The following LRRC8D variants were observed in gnomAD, a reference collection of about 807,000 sequenced individuals.
LRRC8D encodes the protein leucine rich repeat containing 8 VRAC subunit D, also known as volume-regulated anion channel subunit LRRC8D.
In LRRC8D, 20 loss-of-function variants were observed where a neutral mutation model predicts 55.8. That is an observed-to-expected ratio of 0.36 (90% confidence interval 0.25 to 0.52). The LOEUF (loss-of-function observed/expected upper bound fraction) is 0.52. LRRC8D is among the 20% of genes least tolerant of loss of function. LRRC8D has a pLI of 0.93. For missense variants in LRRC8D, 651 were observed against 1,030.8 expected, an observed-to-expected ratio of 0.63 and a Z score of 5.05; for synonymous variants, 352 against 377.0, an observed-to-expected ratio of 0.93 and a Z score of 0.77.
chr1:89,921,338 CA>C (rs942220210), intron 2 of LRRC8D, among the ~76,000 whole-genome samples: 1 of 150,938 alleles, frequency 6.6e-6, no homozygotes, highest in Non-Finnish European at 1.5e-5. Flanking sequence ...GACCCTATTT[CA>C]AAAAAAACAA....
At position 89,828,979 on chromosome 1, in the gene LRRC8D, A is replaced by C. The variant is rs144859546; in HGVS notation, c.-148+7688A>C. On this transcript the variant is annotated intron_variant, in intron 1 of 2. Transcript: ENST00000337338. The stretch of plus-strand genomic sequence containing the variant: ...GGCCGCCAGAAAGCTGTGTCTCAAA[A>C]TCTCTCATGCTATAGAGATAGGACA... 3.5e-3 allele frequency among the ~76,000 whole-genome samples: 529 copies of C among 152,306 alleles called. 1 individual carries two copies. Among genetic ancestry groups the C allele is most frequent in the African/African-American group, 0.011 (460 of 41,568 alleles).
chr1:89,865,828 T>C (rs1199700013), intron 2 of LRRC8D, among the ~76,000 whole-genome samples: 1 of 152,234 alleles, frequency 6.6e-6, no homozygotes, highest in Non-Finnish European at 1.5e-5. Context: ...AATTCAACTA[T>C]TGGCAGAATC....
At chr1:89,923,601 A>T (rs2100978091) in intron 2 of LRRC8D, among the ~76,000 whole-genome samples, 1 of 152,332 alleles carries the variant, frequency 6.6e-6, no homozygotes, top group African/African-American at 2.4e-5. Flanking sequence ...TTCATATGGA[A>T]CCCAAAAAAA....
rs200461670 is a variant in LRRC8D at position 89,865,302 on chromosome 1, AT to A, written c.-3+21522del. On this transcript the variant is annotated intron_variant, in intron 2 of 2. Transcript: ENST00000337338. ...CCATTCTTGTTGATTACTTTGCTTA[AT>A]TGTACTAAATATGTATAAACATGAA... is the stretch of plus-strand genomic sequence containing the variant. 4.5e-3 allele frequency among the ~76,000 whole-genome samples: 663 copies of A among 147,368 alleles called. 10 individuals carry two copies. The highest frequency in any genetic ancestry group is 0.034 in the South Asian group (157 of 4,662).
At chr1:89,888,766 G>A (rs1462132804) in intron 2 of LRRC8D, among the ~76,000 whole-genome samples, 1 of 152,162 alleles carries the variant, frequency 6.6e-6, no homozygotes, top group South Asian at 2.1e-4. Context: ...GTTTATCAGA[G>A]GGACACAGGA....
rs764005946 is a variant in LRRC8D, at chr1:89,934,660, C to G, written c.1592C>G (p.Ala531Gly). The G allele has an allele frequency of 5.0e-6, 8 of 1,614,190 alleles. No individual in the cohort carries two copies. The Admixed American group carries it at 6.7e-5, about 13-fold the overall frequency. ...TGCCCTGCAAAAGTTGAACAGACTG[C>G]TTTTAGCTTTCTTCGCGATCACTTG... is the stretch of plus-strand genomic sequence containing the variant. ...CHCPAKVEQT[A>G]FSFLRDHLRC... The change falls in exon 3 of 3, where the codon GCT (alanine) becomes GGT (glycine). Residue 531 changes from alanine (A) to glycine (G), a missense_variant. Around this residue, in one of 5 missense-constraint regions of LRRC8D, gnomAD observed 338 missense variants for 479.4 expected, o/e 0.71. Coordinates refer to ENST00000337338, the MANE Select transcript of LRRC8D (RefSeq NM_001134479.2). The surrounding 1 kb of genome is among the most constrained non-coding windows in gnomAD (Gnocchi z 5.9).
At chr1:89,862,143 T>C (rs1661734011) in intron 2 of LRRC8D, among the ~76,000 whole-genome samples, 1 of 152,184 alleles carries the variant, frequency 6.6e-6, no homozygotes, top group Non-Finnish European at 1.5e-5. Context: ...GGCTTTCAGG[T>C]CACTCTATGC....
At chr1:89,887,340 A>G (rs1043809862) in intron 2 of LRRC8D, among the ~76,000 whole-genome samples, 4 of 152,172 alleles carry the variant, frequency 2.6e-5, no homozygotes, top group Admixed American at 1.3e-4. Flanking sequence ...TTGTTGAGTG[A>G]ATTTTTCTAG....
chr1:89,909,587 C>T (rs1663079134), intron 2 of LRRC8D, among the ~76,000 whole-genome samples: 1 of 152,026 alleles, frequency 6.6e-6, no homozygotes, highest in South Asian at 2.1e-4. Flanking sequence ...TTTAGTAGGG[C>T]CAGGCACGGT....
At chr1:89,870,922 G>A (rs986815107) in intron 2 of LRRC8D, among the ~76,000 whole-genome samples, 1 of 152,014 alleles carries the variant, frequency 6.6e-6, no homozygotes, top group African/African-American at 2.4e-5. Flanking sequence ...TTTAAATTTG[G>A]GTAATTTCTG....
intron 1 of LRRC8D, among the ~76,000 whole-genome samples, chr1:89,842,469 C>T (rs1397014320): frequency 2.6e-5 from 4 of 152,222 alleles, no homozygotes; most frequent in Non-Finnish European, 5.9e-5. Flanking sequence ...TGAGTAGGAG[C>T]TTAATATCTA....
At chr1:89,904,479 T>C (rs184897641) in intron 2 of LRRC8D, among the ~76,000 whole-genome samples, 2 of 152,360 alleles carry the variant, frequency 1.3e-5, no homozygotes, top group Admixed American at 1.3e-4. Flanking sequence ...CATTCACTTT[T>C]CTTCCTTAAA....
chr1:89,915,083 C>T (rs1663231705), intron 2 of LRRC8D, among the ~76,000 whole-genome samples: 2 of 151,596 alleles, frequency 1.3e-5, no homozygotes, highest in African/African-American at 4.9e-5. Context: ...CAGCACCTAG[C>T]ACATTACCTA....
At chr1:89,897,587 C>G (rs1231738794) in intron 2 of LRRC8D, among the ~76,000 whole-genome samples, 2 of 152,118 alleles carry the variant, frequency 1.3e-5, no homozygotes, top group African/African-American at 4.8e-5. Context: ...TCTATACACA[C>G]GCAGGACCTA....
rs1057291194 is a variant in LRRC8D, at chr1:89,911,286, T to A, written c.-2-21781T>A. ...TAAAATTTTATGACGGGATAAGCAA[T>A]ATGGTGGTTAGCAAGATTAATGTTT... On this transcript the variant is annotated intron_variant, in intron 2 of 2. Transcript: ENST00000337338. This position sits in a 1 kb window ranked among gnomAD's most constrained non-coding sequence, Gnocchi z 4.0. Among the ~76,000 whole-genome samples, 1 of 151,880 alleles carries A rather than the reference T, an allele frequency of 6.6e-6. No homozygotes were observed. Among genetic ancestry groups the A allele is most frequent in the African/African-American group, 2.4e-5 (1 of 41,352 alleles).
rs1660691420 is a variant in LRRC8D, at chr1:89,823,530, A to G, written c.-148+2239A>G. On this transcript the variant is annotated intron_variant, in intron 1 of 2. Coordinates refer to ENST00000337338, the MANE Select transcript of LRRC8D (RefSeq NM_001134479.2). ...TCTCAGTACTGTAGACAAAATAGCT[A>G]TTAAAGTCAAAAGTTTGTCAAAACT... Among the ~76,000 whole-genome samples the G allele has an allele frequency of 4.6e-5, 7 of 152,248 alleles. No homozygotes were observed. In the South Asian group the frequency reaches 1.4e-3, roughly 32 times the overall value.
chr1:89,843,772 G>T lies in LRRC8D; in HGVS notation c.-13G>T. 2.9e-6 allele frequency: 2 copies of T among 688,580 alleles called. No individual in the cohort carries two copies. Among genetic ancestry groups the T allele is most frequent in the Non-Finnish European group, 5.3e-6 (2 of 377,200 alleles). The allele number at this position is 688,580 out of a possible 1,614,324, so 42.7% of individuals were successfully genotyped here. ...AGCGCCCTGAGAGAACAGGGTGGCCGCTTGGTCCAGGTGCGCGGGGTCGGG... is the reference window on the plus strand; with the variant it reads ...AGCGCCCTGAGAGAACAGGGTGGCCTCTTGGTCCAGGTGCGCGGGGTCGGG... On this transcript the variant is annotated 5_prime_UTR_variant, in exon 2 of 3. Transcript: ENST00000337338.
intron 2 of LRRC8D, among the ~76,000 whole-genome samples, chr1:89,902,759 C>T (rs1439937958): frequency 3.9e-5 from 6 of 152,002 alleles, no homozygotes; most frequent in Non-Finnish European, 5.9e-5. Context: ...CTCCTGACCT[C>T]GTGATCCACC....
At chr1:89,838,858 T>C (rs1661065749) in intron 1 of LRRC8D, among the ~76,000 whole-genome samples, 1 of 152,258 alleles carries the variant, frequency 6.6e-6, no homozygotes, top group Non-Finnish European at 1.5e-5. Context: ...ATATTTTACC[T>C]AATTTATATC....
Sources: gnomAD v4.1 joint callset for allele counts (sites outside exome capture counted in the v4.1 genomes callset) on GRCh38, gnomAD v4.1.1 for gene constraint, gnomAD v4.1.1 regional missense constraint, Gnocchi (gnomAD v3.1) non-coding constraint, MANE v1.5 for transcripts, NCBI Gene and HGNC (gene_info 2026-07-23, HGNC 2026-07-21) for gene names.